The following SYCP2 variants were observed in gnomAD, a reference collection of about 807,000 sequenced individuals.
SYCP2 encodes synaptonemal complex lateral element protein.
Under a neutral mutation model 211.3 loss-of-function variants are expected in SYCP2, and 55 were observed. That is an observed-to-expected ratio of 0.26 (90% confidence interval 0.21 to 0.33). SYCP2 has a LOEUF of 0.33. Ranked by LOEUF, SYCP2 falls within the 10% of genes least tolerant of loss-of-function variation. The pLI is 1.00. For synonymous variants in SYCP2, 570 were observed against 555.2 expected, an observed-to-expected ratio of 1.03 and a Z score of -0.37; for missense variants, 1,731 against 1,752.0, an observed-to-expected ratio of 0.99 and a Z score of 0.21.
intron 2 of SYCP2, among the ~76,000 whole-genome samples, chr20:59,922,676 T>A (rs973946489): frequency 6.6e-6 from 1 of 151,758 alleles, no homozygotes; most frequent in Admixed American, 6.6e-5. Context: ...TCTTCCTTTT[T>A]ATAGATTACT....
At chr20:59,878,357 T>A (rs184323780) in intron 31 of SYCP2, among the ~76,000 whole-genome samples, 82 of 152,270 alleles carry the variant, frequency 5.4e-4, no homozygotes, top group African/African-American at 1.9e-3. Context: ...GCACCATTTT[T>A]AAACTCATTC....
Position 59,895,509 on chromosome 20 carries a change from A to G in SYCP2, c.1593T>C (p.Asn531=). ...EKPSVSQTSE[N]RVDNAASLKS... is the part of the protein sequence containing the mutation. ...TCAGTGATGCAGCATTATCCACTCT[A>G]TTTTCTGATGTTTGAGAAACACTAG... The change falls in exon 20 of 45, where the codon AAT becomes AAC. Residue 531 remains asparagine (N), a synonymous_variant. Coordinates refer to ENST00000357552, the MANE Select transcript of SYCP2 (RefSeq NM_014258.4). 2 of 1,613,018 alleles carry G rather than the reference A, an allele frequency of 1.2e-6. No homozygotes were observed. Among genetic ancestry groups the G allele is most frequent in the Non-Finnish European group, 1.7e-6 (2 of 1,179,422 alleles).
intron 1 of SYCP2, among the ~76,000 whole-genome samples, chr20:59,932,893 G>C (rs573731363): frequency 6.6e-6 from 1 of 152,108 alleles, no homozygotes; most frequent in Non-Finnish European, 1.5e-5. Flanking sequence ...TGAAGGCGCC[G>C]AGCAGGAGGA....
chr20:59,868,935 G>A lies in SYCP2; in HGVS notation c.3742-10C>T, dbSNP rs766384111. On this transcript the variant is annotated splice_polypyrimidine_tract_variant and intron_variant, in intron 36 of 44. Coordinates refer to ENST00000357552, the MANE Select transcript of SYCP2 (RefSeq NM_014258.4). ...ATGCTAAATGACTTTCCTAAAATAC[G>A]TATTAGAAATTAGAAAAAAATTCCG... The A allele has an allele frequency of 5.5e-5, 87 of 1,579,652 alleles. No individual in the cohort carries two copies. Among genetic ancestry groups the A allele is most frequent in the Middle Eastern group, 1.7e-4 (1 of 5,916 alleles).
At chr20:59,870,826 C>A (rs771718545) in intron 35 of SYCP2, among the ~76,000 whole-genome samples, 1 of 151,736 alleles carries the variant, frequency 6.6e-6, no homozygotes, top group Non-Finnish European at 1.5e-5. Context: ...CATGTGATCA[C>A]CCAGCCTATG....
intron 31 of SYCP2, among the ~76,000 whole-genome samples, chr20:59,879,491 A>T (rs1600836036): frequency 6.6e-6 from 1 of 151,954 alleles, no homozygotes; most frequent in Non-Finnish European, 1.5e-5. Flanking sequence ...TTAGTTGAAA[A>T]GCACAGAGTT....
chr20:59,884,770 G>GC (rs1255849203), intron 26 of SYCP2, among the ~76,000 whole-genome samples: 1 of 151,862 alleles, frequency 6.6e-6, no homozygotes, highest in African/African-American at 2.4e-5. Context: ...GCAAAAGGCA[G>GC]CAATGGTATT....
intron 8 of SYCP2, among the ~76,000 whole-genome samples, chr20:59,915,865 G>A (rs1415871953): frequency 6.6e-6 from 1 of 151,984 alleles, no homozygotes; most frequent in East Asian, 1.9e-4. Context: ...ATGGTAACAC[G>A]TGCCTGTAAT....
intron 33 of SYCP2, 111 bp from the exon 34 acceptor site, chr20:59,875,580 A>G: frequency 1.3e-6 from 1 of 747,546 alleles, no homozygotes; most frequent in Non-Finnish European, 2.1e-6. Flanking sequence ...TACCACATAC[A>G]GGCATAACAA....
At chr20:59,866,682 A>G (rs1305904753) in intron 39 of SYCP2, 93 bp from the exon 40 acceptor site, 2 of 835,544 alleles carry the variant, frequency 2.4e-6, no homozygotes, top group African/African-American at 1.8e-5. Context: ...CACGAAATGT[A>G]AATTACTAAG....
intron 18 of SYCP2, among the ~76,000 whole-genome samples, chr20:59,897,558 A>G (rs1414418755): frequency 1.3e-5 from 2 of 152,200 alleles, no homozygotes; most frequent in Non-Finnish European, 2.9e-5. Flanking sequence ...GCTAAGAATC[A>G]GCATTGTTAA....
chr20:59,900,960 T>C (rs1568953468), intron 16 of SYCP2, 142 bp from the exon 17 acceptor site: 1 of 645,590 alleles, frequency 1.5e-6, no homozygotes, highest in South Asian at 1.9e-5. Context: ...ACTTTGCATA[T>C]ATGAATACCT....
In SYCP2 at chr20:59,865,851, C is replaced by T; in HGVS notation, c.4335G>A (p.Lys1445=). 7.0e-7 allele frequency: 1 copy of T among 1,421,196 alleles called. No individual in the cohort carries two copies. The allele number at this position is 1,421,196 out of a possible 1,614,324, so 88.0% of individuals were successfully genotyped here. ...GATATGCACTGAACTTCTGAAATAT[C>T]TTTTCCCAAAAGTCCTAAATTAATT... is the stretch of plus-strand genomic sequence containing the variant. ...LEKEFVDFWE[K]IFQKFSAYQK... Residue 1445 remains lysine (K), a synonymous_variant, in exon 42 of 45, where the codon AAG becomes AAA. Coordinates refer to ENST00000357552, the MANE Select transcript of SYCP2 (RefSeq NM_014258.4).
At chr20:59,875,192 TA>T in intron 34 of SYCP2, 78 bp downstream of exon 34, 1 of 930,732 alleles carries the variant, frequency 1.1e-6, no homozygotes, top group South Asian at 2.0e-5. Context: ...AAATTAGTCT[TA>T]AAATTGTATT....
chr20:59,868,741 A>ACATT, intron 37 of SYCP2, 94 bp downstream of exon 37: 1 of 1,287,880 alleles, frequency 7.8e-7, no homozygotes, highest in East Asian at 2.5e-5. Context: ...TAAGTTGAAT[A>ACATT]ACGGTATGAC....
At chr20:59,914,645 T>C (rs945836474) in intron 10 of SYCP2, among the ~76,000 whole-genome samples, 3 of 152,030 alleles carry the variant, frequency 2.0e-5, no homozygotes, top group East Asian at 1.9e-4. Context: ...TGATTTATTC[T>C]ACATGTAAAT....
At chr20:59,897,806 G>C (rs1372833606) in intron 18 of SYCP2, among the ~76,000 whole-genome samples, 1 of 152,012 alleles carries the variant, frequency 6.6e-6, no homozygotes, top group Non-Finnish European at 1.5e-5. Context: ...AAAATGGGCC[G>C]GGTGCAGTGG....
chr20:59,892,687 A>G lies in SYCP2; in HGVS notation c.1808T>C (p.Leu603Ser), dbSNP rs1265253182. ...KRDHTILPGV[L>S]DNICGNKIHS... ...TATTTTATTTCCACAGATGTTGTCT[A>G]AAACACCAGGTAATCTAGAAAATAA... Residue 603 changes from leucine to serine, a missense_variant, in exon 23 of 45, where the codon TTA (leucine) becomes TCA (serine). By Grantham distance (145) the Leu-to-Ser change is moderately radical (BLOSUM62 -2). Around this residue, in one of 3 missense-constraint regions of SYCP2, gnomAD observed 1,387 missense variants for 1,351.3 expected, o/e 1.03. Coordinates refer to ENST00000357552, the MANE Select transcript of SYCP2 (RefSeq NM_014258.4). 4 of 1,603,830 alleles carry G rather than the reference A, an allele frequency of 2.5e-6. No homozygotes were observed. The African/African-American group carries it at 4.0e-5, about 16-fold the overall frequency.
intron 9 of SYCP2, 68 bp from the exon 10 acceptor site, chr20:59,915,267 G>A: frequency 7.9e-7 from 1 of 1,268,322 alleles, no homozygotes; most frequent in South Asian, 1.3e-5. Context: ...ACATGTTTAG[G>A]AGGAAAAGAA....
Sources: allele counts gnomAD v4.1 joint callset (sites outside exome capture counted in the v4.1 genomes callset), GRCh38; gene constraint gnomAD v4.1.1; regional missense constraint gnomAD v4.1.1; transcripts MANE v1.5; gene names NCBI Gene and HGNC (gene_info 2026-07-23, HGNC 2026-07-21).